Variants in XDH observed in about 807,000 individuals in gnomAD.
XDH encodes xanthine dehydrogenase/oxidase.
Under a neutral mutation model 156.1 loss-of-function variants are expected in XDH, and 138 were observed. The observed-to-expected ratio is 0.88, with a 90% CI of 0.77 to 1.02. XDH has a LOEUF of 1.02. Among genes scored for constraint, XDH ranks in the 50% least tolerant of loss-of-function variants. XDH has a pLI of 0.00. For synonymous variants in XDH, 669 were observed against 625.7 expected (o/e 1.07, Z -1.03); for missense variants, 1,849 against 1,684.9 (o/e 1.10, Z -1.71).
chr2:31,361,098 A>C (rs1835171), intron 24 of XDH, among the ~76,000 whole-genome samples: 4 of 152,214 alleles, frequency 2.6e-5, no homozygotes, highest in South Asian at 2.1e-4. Context: ...ACAAGTAAAG[A>C]CTTCACCAGG....
At chr2:31,355,398 A>G (rs926180483) in intron 24 of XDH, among the ~76,000 whole-genome samples, 1 of 152,100 alleles carries the variant, frequency 6.6e-6, no homozygotes, top group African/African-American at 2.4e-5. Flanking sequence ...CTCAGTTTTT[A>G]AAATTGTCTG....
chr2:31,345,178 C>T lies in XDH; in HGVS notation c.3352-442G>A, dbSNP rs571530740. Among the ~76,000 whole-genome samples the T allele has an allele frequency of 2.0e-5, 3 of 152,348 alleles. No individual in the cohort carries two copies. The South Asian group carries it at 6.2e-4, about 32-fold the overall frequency. ...TCTCTCAATTCTTCCATCTCCCACA[C>T]CTCTGCACCTTTATTTATGTGGTTC... On this transcript the variant is annotated intron_variant, in intron 30 of 35. Transcript: ENST00000379416.
intron 24 of XDH, among the ~76,000 whole-genome samples, chr2:31,361,786 G>A (rs1346794322): frequency 6.6e-6 from 1 of 152,050 alleles, no homozygotes; most frequent in East Asian, 1.9e-4. Flanking sequence ...TATGTTTTGA[G>A]GTAGGTCAAA....
chr2:31,409,287 G>T (rs1687279586), intron 1 of XDH, among the ~76,000 whole-genome samples: 1 of 152,146 alleles, frequency 6.6e-6, no homozygotes. Flanking sequence ...AACTAAAAAA[G>T]TATAATTAGA....
intron 9 of XDH, 43 bp downstream of exon 9, chr2:31,386,371 C>G: frequency 6.2e-7 from 1 of 1,606,158 alleles, no homozygotes; most frequent in Non-Finnish European, 8.5e-7. Context: ...AGAAACACCC[C>G]CAGACCCCCT....
In XDH at chr2:31,379,864, C is replaced by T. The variant is rs1686383014; in HGVS notation, c.1242+3G>A. 6.2e-7 allele frequency: 1 copy of T among 1,614,032 alleles called. No individual in the cohort carries two copies. The highest frequency in any genetic ancestry group is 8.5e-7 in the Non-Finnish European group (1 of 1,179,864). On this transcript the variant is annotated splice_donor_region_variant and intron_variant, in intron 13 of 35. Coordinates refer to ENST00000379416, the MANE Select transcript of XDH (RefSeq NM_000379.4). ...GAGCCTGGAACCACTTCCAACATCT[C>T]ACCTCCCTGCTGTAGGGGATCTCTA...
At chr2:31,392,665 C>T (rs1043046888) in intron 6 of XDH, among the ~76,000 whole-genome samples, 5 of 151,990 alleles carry the variant, frequency 3.3e-5, no homozygotes, top group Admixed American at 6.6e-5. Context: ...CCTCGTGATC[C>T]GCCCGCCTCA....
chr2:31,386,288 A>T (rs1686590264), intron 9 of XDH, 126 bp downstream of exon 9: 1 of 1,289,150 alleles, frequency 7.8e-7, no homozygotes, highest in Admixed American at 1.9e-5. Flanking sequence ...GGCTCCAGGT[A>T]GTCAGTGGGG....
At chr2:31,367,108 G>T in intron 20 of XDH, 114 bp from the exon 21 acceptor site, 1 of 1,556,652 alleles carries the variant, frequency 6.4e-7, no homozygotes, top group Non-Finnish European at 8.8e-7. Context: ...ATGGCTACCT[G>T]AGGGGTAACC....
Position 31,335,893 on chromosome 2 carries a change from T to TA in XDH, c.*64dup. On this transcript the variant is annotated 3_prime_UTR_variant, in exon 36 of 36. Transcript: ENST00000379416. ...ACTTTAATAGATCCATGTTCTGTGG[T>TA]ATGTTCCTCCTGCTCCATGGAAGCC... 5.8e-6 allele frequency: 9 copies of TA among 1,541,352 alleles called. No individual in the cohort carries two copies. Among genetic ancestry groups the TA allele is most frequent in the Non-Finnish European group, 8.1e-6 (9 of 1,113,790 alleles).
chr2:31,373,747 A>T (rs1686144130), intron 16 of XDH, 126 bp downstream of exon 16: 4 of 891,158 alleles, frequency 4.5e-6, no homozygotes, highest in Non-Finnish European at 7.2e-6. Flanking sequence ...GTATTTACGC[A>T]CAAGAGTAAG....
intron 16 of XDH, 76 bp downstream of exon 16, chr2:31,373,797 G>T: frequency 6.9e-7 from 1 of 1,446,250 alleles, no homozygotes; most frequent in Non-Finnish European, 9.6e-7. Flanking sequence ...TTAGTCATTA[G>T]CCGATGGTCA....
At chr2:31,370,583 C>T (rs1686045691) in intron 17 of XDH, 105 bp from the exon 18 acceptor site, 1 of 1,438,716 alleles carries the variant, frequency 7.0e-7, no homozygotes, top group Non-Finnish European at 9.6e-7. Flanking sequence ...TGGCTCCATC[C>T]TAATTCCTCG....
intron 6 of XDH, among the ~76,000 whole-genome samples, chr2:31,393,334 G>C (rs113227183): frequency 0.042 from 6,403 of 152,228 alleles, 176 homozygotes; most frequent in Middle Eastern, 0.065. Context: ...CACACATTAA[G>C]GACTGTTATA....
chr2:31,412,871 T>A (rs1050127229), intron 1 of XDH, among the ~76,000 whole-genome samples: 2 of 152,222 alleles, frequency 1.3e-5, no homozygotes, highest in South Asian at 4.1e-4. Flanking sequence ...TACATCATTA[T>A]AAATTACAAA....
At chr2:31,407,616 G>C (rs1166314304) in intron 1 of XDH, among the ~76,000 whole-genome samples, 1 of 152,114 alleles carries the variant, frequency 6.6e-6, no homozygotes, top group Non-Finnish European at 1.5e-5. Flanking sequence ...AGAATGAAAG[G>C]TCAGCTCCAA....
rs759867295 is a variant in XDH at position 31,401,337 on chromosome 2, C to G, written c.198-9G>C. 6.2e-7 allele frequency: 1 copy of G among 1,613,750 alleles called. No homozygotes were observed. The highest frequency in any genetic ancestry group is 8.5e-7 in the Non-Finnish European group (1 of 1,179,906). ...CATTGGCAGAAAAGTGGCTAGAACCCCAGATTAAGGTCATTCCATTTATTG... is the reference window on the plus strand; with the variant it reads ...CATTGGCAGAAAAGTGGCTAGAACCGCAGATTAAGGTCATTCCATTTATTG... On this transcript the variant is annotated splice_polypyrimidine_tract_variant and intron_variant, in intron 3 of 35. Coordinates refer to ENST00000379416, the MANE Select transcript of XDH (RefSeq NM_000379.4).
At chr2:31,380,093 A>ATTTGCTCTGACTGT in intron 12 of XDH, 117 bp from the exon 13 acceptor site, 2 of 979,094 alleles carry the variant, frequency 2.0e-6, no homozygotes, top group Non-Finnish European at 3.2e-6. Flanking sequence ...GCCCACAGTC[A>ATTTGCTCTGACTGT]GAGCAAATGA....
chr2:31,372,795 T>C (rs1686113331), intron 16 of XDH, among the ~76,000 whole-genome samples: 2 of 152,122 alleles, frequency 1.3e-5, no homozygotes, highest in Admixed American at 6.6e-5. Context: ...TTCAATTATG[T>C]AGGAAAAGAT....
Sources: gnomAD v4.1 joint callset for allele counts (sites outside exome capture counted in the v4.1 genomes callset) on GRCh38, gnomAD v4.1.1 for gene constraint, MANE v1.5 for transcripts, NCBI Gene and HGNC (gene_info 2026-07-23, HGNC 2026-07-21) for gene names.